RHOA: variants seen among roughly 807,000 people sequenced by gnomAD.
RHOA encodes ras homolog family member A.
A neutral mutation model predicts 17.5 loss-of-function variants in RHOA; 3 were observed. The ratio of observed to expected loss-of-function variants is 0.17; its 90% confidence interval spans 0.08 to 0.44. RHOA has a LOEUF of 0.44. RHOA is among the 20% of genes least tolerant of loss of function. The probability of loss-of-function intolerance (pLI) is 0.99; values close to 1 mark genes in which losing one functional copy is unlikely to be tolerated. For missense variants in RHOA, 56 were observed against 242.3 expected (o/e 0.23, Z 5.10); for synonymous variants, 98 against 88.4 (o/e 1.11, Z -0.61).
intron 3 of RHOA, among the ~76,000 whole-genome samples, chr3:49,366,401 G>C (rs1232284623): frequency 7.2e-5 from 11 of 152,276 alleles, no homozygotes; most frequent in Non-Finnish European, 1.5e-5. Flanking sequence ...TCAGAAGTTT[G>C]AGAGAAGCCT....
intron 1 of RHOA, among the ~76,000 whole-genome samples, chr3:49,395,196 A>C (rs2048593536): frequency 6.6e-6 from 1 of 151,488 alleles, no homozygotes; most frequent in Non-Finnish European, 1.5e-5. Flanking sequence ...GCTTGCAGTG[A>C]GCCGAGATCG....
At chr3:49,368,328 T>C in intron 3 of RHOA, 100 bp downstream of exon 3, 2 of 1,435,314 alleles carry the variant, frequency 1.4e-6, no homozygotes, top group Non-Finnish European at 1.9e-6. Context: ...TGATTGCTTC[T>C]CTGAAGTTCA....
Position 49,375,609 on chromosome 3 carries a change from GA to G in RHOA, c.-2-19del, listed in dbSNP as rs1559501794. 2 of 1,610,558 alleles carry G rather than the reference GA, an allele frequency of 1.2e-6. No individual in the cohort carries two copies. Among genetic ancestry groups the G allele is most frequent in the Admixed American group, 3.4e-5 (2 of 59,488 alleles). On this transcript the variant is annotated intron_variant, in intron 1 of 4. Coordinates refer to ENST00000418115, the MANE Select transcript of RHOA (RefSeq NM_001664.4). ...AGCCATTGCTGAAACACAAAACACA[GA>G]TATTACCTGCAATGCACAAGAAGTC... is the stretch of plus-strand genomic sequence containing the variant.
chr3:49,359,147 T>A lies in RHOA; in HGVS notation c.*1062A>T, dbSNP rs1362528784. ...CACAAACAACAGGATACAGGAAGTT[T>A]AGAAAACTGCCTTTATTCTATTAGT... On this transcript the variant is annotated 3_prime_UTR_variant, in exon 5 of 5. Transcript: ENST00000418115. 1 of 179,720 alleles carries A rather than the reference T, an allele frequency of 5.6e-6. No individual in the cohort carries two copies. The highest frequency in any genetic ancestry group is 6.3e-5 in the Admixed American group (1 of 15,852). The allele number at this position is 179,720 out of a possible 1,614,324, so 11.1% of individuals were successfully genotyped here.
intron 1 of RHOA, among the ~76,000 whole-genome samples, chr3:49,389,707 C>A (rs2048462988): frequency 6.6e-6 from 1 of 151,632 alleles, no homozygotes; most frequent in African/African-American, 2.4e-5. Context: ...TTTGGGAGGC[C>A]GAGGCAGGCG....
At chr3:49,399,451 T>G (rs891902474) in intron 1 of RHOA, among the ~76,000 whole-genome samples, 2 of 152,068 alleles carry the variant, frequency 1.3e-5, no homozygotes, top group African/African-American at 2.4e-5. Flanking sequence ...ATATGTCATA[T>G]GCTATCATAC....
chr3:49,384,526 TGA>T (rs1289035588), intron 1 of RHOA, among the ~76,000 whole-genome samples: 2 of 152,090 alleles, frequency 1.3e-5, no homozygotes, highest in Admixed American at 6.6e-5. Context: ...TTTTTTTTTT[TGA>T]GACAGGGTCT....
intron 1 of RHOA, among the ~76,000 whole-genome samples, chr3:49,408,108 G>A (rs921405294): frequency 6.6e-6 from 1 of 151,616 alleles, no homozygotes; most frequent in African/African-American, 2.4e-5. Flanking sequence ...GCAGTGAGCC[G>A]AGATGGCGCT....
intron 1 of RHOA, among the ~76,000 whole-genome samples, chr3:49,394,036 A>G (rs2048571549): frequency 4.0e-5 from 6 of 151,430 alleles, no homozygotes; most frequent in Admixed American, 4.0e-4. Flanking sequence ...ACGCCTGGCT[A>G]ATTTTTTTAT....
rs1427822171 is a variant in RHOA, at chr3:49,384,949, G to A, written c.-2-9358C>T. Among the ~76,000 whole-genome samples, 3 of 152,000 alleles carry A rather than the reference G, an allele frequency of 2.0e-5. No homozygotes were observed. The East Asian group carries it at 5.9e-4, about 30-fold the overall frequency. ...GTGGTGGCAGGCACCTGTAATCCCA[G>A]CTACTCGGGAGGCTGAGGCAGGAGA... On this transcript the variant is annotated intron_variant, in intron 1 of 4. Transcript: ENST00000418115.
At chr3:49,397,373 A>G (rs981613884) in intron 1 of RHOA, among the ~76,000 whole-genome samples, 5 of 152,104 alleles carry the variant, frequency 3.3e-5, no homozygotes, top group Admixed American at 2.6e-4. Context: ...GGTGATAATA[A>G]TGTTCTAAAA....
At chr3:49,362,651 G>T in intron 3 of RHOA, 25 bp from the exon 4 acceptor site, 1 of 1,600,332 alleles carries the variant, frequency 6.2e-7, no homozygotes, top group South Asian at 1.1e-5. Flanking sequence ...TAGAGAATTT[G>T]GGGATACATA....
chr3:49,381,033 A>T (rs1471202581), intron 1 of RHOA, among the ~76,000 whole-genome samples: 1 of 151,794 alleles, frequency 6.6e-6, no homozygotes, highest in Non-Finnish European at 1.5e-5. Flanking sequence ...TAAATTGAAG[A>T]TACTACTAAT....
In RHOA at chr3:49,359,525, TAC is replaced by T. The variant is rs1459286931; in HGVS notation, c.*682_*683del. ...TTTTCCATCTGACTTTATTTCCAAATACACTTTCTTTTTTAAAAAACCAATAC... is the reference window on the plus strand; with the variant it reads ...TTTTCCATCTGACTTTATTTCCAAATACTTTCTTTTTTAAAAAACCAATAC... On this transcript the variant is annotated 3_prime_UTR_variant, in exon 5 of 5. Coordinates refer to ENST00000418115, the MANE Select transcript of RHOA (RefSeq NM_001664.4). 5.0e-6 allele frequency: 1 copy of T among 199,952 alleles called. No individual in the cohort carries two copies. The highest frequency in any genetic ancestry group is 2.3e-5 in the African/African-American group (1 of 43,452). The allele number at this position is 199,952 out of a possible 1,614,324, so 12.4% of individuals were successfully genotyped here.
At chr3:49,369,240 G>A (rs1211544901) in intron 2 of RHOA, among the ~76,000 whole-genome samples, 1 of 149,212 alleles carries the variant, frequency 6.7e-6, no homozygotes, top group Non-Finnish European at 1.5e-5. Flanking sequence ...AGCCAGGATG[G>A]TCTTGATCTC....
At chr3:49,372,106 G>T (rs553589709) in intron 2 of RHOA, among the ~76,000 whole-genome samples, 59 of 152,268 alleles carry the variant, frequency 3.9e-4, no homozygotes, top group Non-Finnish European at 7.5e-4. Flanking sequence ...TTCTATGTAT[G>T]GTGCATCAAT....
chr3:49,401,558 C>CA (rs5848878), intron 1 of RHOA, among the ~76,000 whole-genome samples: 32,215 of 131,756 alleles, frequency 0.24, 3,880 homozygotes, highest in Middle Eastern at 0.29. Flanking sequence ...AACTCTGTCT[C>CA]AAAAAAAAAA....
At chr3:49,404,686 T>C (rs1262917960) in intron 1 of RHOA, among the ~76,000 whole-genome samples, 2 of 144,160 alleles carry the variant, frequency 1.4e-5, no homozygotes, top group Non-Finnish European at 3.0e-5. Flanking sequence ...CCTAGCACTT[T>C]GGGAGGCCAA....
chr3:49,378,018 G>A (rs1474186603), intron 1 of RHOA, among the ~76,000 whole-genome samples: 1 of 150,378 alleles, frequency 6.6e-6, no homozygotes, highest in African/African-American at 2.4e-5. Flanking sequence ...GTGTGGTGGT[G>A]GGCACCTGTA....
Sources: allele counts gnomAD v4.1 joint callset (sites outside exome capture counted in the v4.1 genomes callset), GRCh38; gene constraint gnomAD v4.1.1; transcripts MANE v1.5; gene names NCBI Gene and HGNC (gene_info 2026-07-23, HGNC 2026-07-21).